ATP9B: variants seen among roughly 807,000 people sequenced by gnomAD.
The protein encoded by ATP9B is probable phospholipid-transporting ATPase IIB.
Under a neutral mutation model 146.1 loss-of-function variants are expected in ATP9B, and 110 were observed. The ratio of observed to expected loss-of-function variants is 0.75; its 90% CI spans 0.65 to 0.88. The LOEUF is 0.88. Ranked by LOEUF, ATP9B falls within the 40% of genes least tolerant of loss-of-function variation. ATP9B has a pLI of 0.00. For missense variants in ATP9B, 1,499 were observed against 1,496.4 expected (o/e 1.00, Z -0.03); for synonymous variants, 604 against 569.7 (o/e 1.06, Z -0.86).
At chr18:79,350,038 C>T (rs1219272800) in intron 25 of ATP9B, among the ~76,000 whole-genome samples, 1 of 152,156 alleles carries the variant, frequency 6.6e-6, no homozygotes, top group Non-Finnish European at 1.5e-5. Flanking sequence ...TCAGCGTGAA[C>T]TTCAGTGCAT....
chr18:79,140,841 G>A (rs1345979595), intron 5 of ATP9B, among the ~76,000 whole-genome samples: 1 of 152,074 alleles, frequency 6.6e-6, no homozygotes, highest in East Asian at 1.9e-4. Context: ...TTTCTCAGAG[G>A]AGCCCATATA....
intron 4 of ATP9B, chr18:79,114,898 T>A (rs1209020153): frequency 2.0e-5 from 3 of 153,362 alleles, no homozygotes; most frequent in Non-Finnish European, 2.9e-5. Flanking sequence ...ACTTGAGGAA[T>A]TTATCCTAAA....
chr18:79,220,103 C>G (rs1365020321), intron 11 of ATP9B, among the ~76,000 whole-genome samples: 1 of 152,058 alleles, frequency 6.6e-6, no homozygotes, highest in Non-Finnish European at 1.5e-5. Flanking sequence ...GCAGAGAAGG[C>G]AGGGACAGCC....
intron 13 of ATP9B, among the ~76,000 whole-genome samples, chr18:79,283,205 C>A (rs1568570277): frequency 2.0e-5 from 3 of 152,212 alleles, no homozygotes; most frequent in Admixed American, 6.5e-5. Context: ...CTTTTGCAGT[C>A]ACCTTGGGGG....
rs371521589 is a variant in ATP9B, at chr18:79,344,361, C to A, written c.2472+7C>A. The A allele has an allele frequency of 1.9e-6, 3 of 1,613,508 alleles. No individual in the cohort carries two copies. The Admixed American group carries it at 5.0e-5, about 27-fold the overall frequency. ...ATCTGGGGACTCTCTGGAGGTAAGG[C>A]TGGACCCTGAGTGAGTACATGTCTG... On this transcript the variant is annotated splice_region_variant and intron_variant, in intron 21 of 29. Transcript: ENST00000426216.
chr18:79,342,394 T>G, intron 20 of ATP9B, 28 bp downstream of exon 20: 1 of 1,478,802 alleles, frequency 6.8e-7, no homozygotes, highest in Non-Finnish European at 9.4e-7. Flanking sequence ...TCACTTTGAA[T>G]TTTTAAACAT....
intron 17 of ATP9B, among the ~76,000 whole-genome samples, chr18:79,335,603 A>C (rs2096819960): frequency 6.6e-6 from 1 of 152,182 alleles, no homozygotes; most frequent in African/African-American, 2.4e-5. Context: ...TGGAAGGCGA[A>C]TGCAGGGTGA....
chr18:79,183,814 G>A (rs1600243072), intron 8 of ATP9B, among the ~76,000 whole-genome samples: 1 of 146,768 alleles, frequency 6.8e-6, no homozygotes, highest in South Asian at 2.1e-4. Context: ...AAGAAAAACA[G>A]TAAGTTGCAC....
At chr18:79,110,617 C>T (rs2075945688) in intron 3 of ATP9B, 112 bp downstream of exon 3, 1 of 1,007,060 alleles carries the variant, frequency 9.9e-7, no homozygotes, top group Admixed American at 2.9e-5. Context: ...TGTGTCACAT[C>T]CAAATCAGTG....
intron 11 of ATP9B, among the ~76,000 whole-genome samples, chr18:79,231,846 C>T (rs1257044869): frequency 1.4e-5 from 2 of 146,888 alleles, no homozygotes; most frequent in Non-Finnish European, 3.0e-5. Context: ...TAAGAAGGAG[C>T]AAAATAATGG....
At chr18:79,237,871 TG>T (rs11302332) in intron 11 of ATP9B, among the ~76,000 whole-genome samples, 33,265 of 151,886 alleles carry the variant, frequency 0.22, 4,020 homozygotes, top group East Asian at 0.48. Context: ...TTTATTTTTT[TG>T]TAGAGACTGG....
intron 8 of ATP9B, among the ~76,000 whole-genome samples, chr18:79,185,200 G>A (rs1321662534): frequency 6.6e-6 from 1 of 152,114 alleles, no homozygotes; most frequent in African/African-American, 2.4e-5. Flanking sequence ...AAACAAAATG[G>A]TACACTTTAA....
intron 1 of ATP9B, among the ~76,000 whole-genome samples, chr18:79,080,418 T>C (rs2073120994): frequency 6.6e-6 from 1 of 152,176 alleles, no homozygotes; most frequent in African/African-American, 2.4e-5. Context: ...TGAATGGAAA[T>C]TCACTCATGA....
intron 7 of ATP9B, among the ~76,000 whole-genome samples, chr18:79,172,625 G>A (rs965221197): frequency 1.3e-5 from 2 of 152,178 alleles, no homozygotes; most frequent in African/African-American, 4.8e-5. Flanking sequence ...TGTGATTACA[G>A]GCGTAGCCAC....
chr18:79,212,747 C>G (rs1330116014), intron 10 of ATP9B, among the ~76,000 whole-genome samples: 1 of 152,114 alleles, frequency 6.6e-6, no homozygotes, highest in African/African-American at 2.4e-5. Context: ...CATCTAATCT[C>G]AGAAGTTTAT....
chr18:79,199,413 T>A (rs926340048), intron 9 of ATP9B, among the ~76,000 whole-genome samples: 9 of 152,204 alleles, frequency 5.9e-5, no homozygotes, highest in African/African-American at 2.2e-4. Context: ...ATATACCTAG[T>A]CTGTAGTCTT....
chr18:79,110,363 G>A lies in ATP9B; in HGVS notation c.302G>A (p.Gly101Asp). The A allele has an allele frequency of 6.2e-7, 1 of 1,602,506 alleles. No homozygotes were observed. The highest frequency in any genetic ancestry group is 8.5e-7 in the Non-Finnish European group (1 of 1,174,300). The change falls in exon 3 of 30, where the codon GGT becomes GAT. Residue 101 changes from glycine (G) to aspartate (D), a missense_variant. By Grantham distance (94) the Gly-to-Asp change is moderately conservative (BLOSUM62 -1). Coordinates refer to ENST00000426216, the MANE Select transcript of ATP9B (RefSeq NM_198531.5). ...GWKFLCTSCCGWLINICRRKK... is the reference protein window; with the variant it reads ...GWKFLCTSCCDWLINICRRKK... ...TCTTTTGTTTCATACAGTTGCTGTGGTTGGCTGATAAATATTTGTCGAAGA... is the reference window on the plus strand; with the variant it reads ...TCTTTTGTTTCATACAGTTGCTGTGATTGGCTGATAAATATTTGTCGAAGA...
chr18:79,330,641 C>G (rs1221854039), intron 17 of ATP9B, among the ~76,000 whole-genome samples: 1 of 152,194 alleles, frequency 6.6e-6, no homozygotes, highest in Non-Finnish European at 1.5e-5. Flanking sequence ...TCTCTATCTC[C>G]TGACCTCGTG....
intron 11 of ATP9B, among the ~76,000 whole-genome samples, chr18:79,233,291 A>G (rs1267349147): frequency 4.0e-5 from 6 of 151,192 alleles, no homozygotes; most frequent in African/African-American, 1.5e-4. Context: ...TGTCTCAAGA[A>G]AAAAAAAAGA....
Sources: allele counts gnomAD v4.1 joint callset (sites outside exome capture counted in the v4.1 genomes callset), GRCh38; gene constraint gnomAD v4.1.1; transcripts MANE v1.5; gene names NCBI Gene and HGNC (gene_info 2026-07-23, HGNC 2026-07-21).